The following C7orf78 variants were observed in gnomAD, a reference collection of about 807,000 sequenced individuals.
The protein encoded by C7orf78 is chromosome 7 open reading frame 78.
chr7:12,488,029 A>G, the C7orf78 span, among the ~76,000 whole-genome samples: 1 of 152,062 alleles, frequency 6.6e-6, no homozygotes, highest in Admixed American at 6.6e-5. Flanking sequence ...AAATACAAGA[A>G]ACCCTCTACT....
the C7orf78 span, among the ~76,000 whole-genome samples, chr7:12,535,267 A>C: frequency 4.6e-5 from 7 of 152,218 alleles, no homozygotes; most frequent in Non-Finnish European, 4.4e-5. Context: ...TTACAGTTCC[A>C]CATGGTTGGG....
the C7orf78 span, chr7:12,491,922 G>A: frequency 6.6e-6 from 1 of 152,108 alleles, no homozygotes; most frequent in African/African-American, 2.4e-5. Flanking sequence ...TATCCCTCTG[G>A]CCACTCGGTT....
At chr7:12,519,331 G>T in the C7orf78 span, among the ~76,000 whole-genome samples, 3 of 152,262 alleles carry the variant, frequency 2.0e-5, no homozygotes, top group African/African-American at 7.2e-5. Context: ...GCCCTCTCTT[G>T]CCCATCCAGC....
At chr7:12,526,118 AATGTCTC>A in the C7orf78 span, among the ~76,000 whole-genome samples, 4 of 152,132 alleles carry the variant, frequency 2.6e-5, no homozygotes, top group Non-Finnish European at 5.9e-5. Flanking sequence ...TTTGTAAATC[AATGTCTC>A]ATGTATAGAG....
the C7orf78 span, among the ~76,000 whole-genome samples, chr7:12,510,525 A>AT: frequency 2.6e-5 from 4 of 152,130 alleles, no homozygotes; most frequent in African/African-American, 9.7e-5. Flanking sequence ...TTACATTCTC[A>AT]CCAACAGTGT....
At chr7:12,487,332 C>T in the C7orf78 span, among the ~76,000 whole-genome samples, 1 of 151,948 alleles carries the variant, frequency 6.6e-6, no homozygotes, top group Non-Finnish European at 1.5e-5. Context: ...TCCATAGAGA[C>T]AACCTATTAG....
chr7:12,497,988 C>T, the C7orf78 span, among the ~76,000 whole-genome samples: 4 of 151,960 alleles, frequency 2.6e-5, no homozygotes, highest in African/African-American at 9.7e-5. Flanking sequence ...ACACCTCACA[C>T]TGCAGGGTAC....
the C7orf78 span, among the ~76,000 whole-genome samples, chr7:12,484,874 T>C: frequency 6.6e-6 from 1 of 152,166 alleles, no homozygotes; most frequent in Non-Finnish European, 1.5e-5. Context: ...ATTTAAATGC[T>C]CCTCCCCCAA....
At chr7:12,508,950 T>C in the C7orf78 span, among the ~76,000 whole-genome samples, 1 of 152,226 alleles carries the variant, frequency 6.6e-6, no homozygotes, top group African/African-American at 2.4e-5. Flanking sequence ...TTCTACATTA[T>C]GGTGACTTGT....
the C7orf78 span, among the ~76,000 whole-genome samples, chr7:12,505,295 C>A: frequency 2.0e-5 from 3 of 151,978 alleles, no homozygotes; most frequent in Non-Finnish European, 4.4e-5. Context: ...GGTTGAATAA[C>A]AATTTCACAC....
the C7orf78 span, among the ~76,000 whole-genome samples, chr7:12,492,384 A>C: frequency 2.0e-5 from 3 of 152,230 alleles, no homozygotes; most frequent in Non-Finnish European, 4.4e-5. Context: ...AATTGAAACA[A>C]TAAAATAATT....
the C7orf78 span, among the ~76,000 whole-genome samples, chr7:12,535,507 G>C: frequency 1.8e-4 from 28 of 152,074 alleles, no homozygotes; most frequent in Admixed American, 1.8e-3. Context: ...ATGAGATTTG[G>C]GTGGGGACAT....
the C7orf78 span, among the ~76,000 whole-genome samples, chr7:12,493,299 T>G: frequency 5.3e-5 from 8 of 152,234 alleles, no homozygotes; most frequent in African/African-American, 1.9e-4. Flanking sequence ...GATTAAAAGT[T>G]GCTGGGATGA....
chr7:12,497,249 G>C, the C7orf78 span, among the ~76,000 whole-genome samples: 143 of 152,220 alleles, frequency 9.4e-4, no homozygotes, highest in African/African-American at 3.2e-3. Flanking sequence ...GAACAGCTCC[G>C]GTCTACAGCT....
the C7orf78 span, among the ~76,000 whole-genome samples, chr7:12,497,874 C>T: frequency 2.0e-5 from 3 of 150,726 alleles, no homozygotes; most frequent in East Asian, 5.9e-4. Context: ...TCCCAGCACG[C>T]AGCTGGAGAT....
the C7orf78 span, among the ~76,000 whole-genome samples, chr7:12,511,407 G>C: frequency 6.6e-6 from 1 of 152,092 alleles, no homozygotes; most frequent in Non-Finnish European, 1.5e-5. Context: ...CTATTTCTGT[G>C]AAAAATGTCA....
the C7orf78 span, among the ~76,000 whole-genome samples, chr7:12,532,238 G>T: frequency 6.6e-6 from 1 of 152,182 alleles, no homozygotes; most frequent in East Asian, 1.9e-4. Flanking sequence ...GAAATGATTT[G>T]GGGCTGCTTT....
the C7orf78 span, among the ~76,000 whole-genome samples, chr7:12,510,548 C>T: frequency 6.6e-6 from 1 of 151,980 alleles, no homozygotes; most frequent in Non-Finnish European, 1.5e-5. Flanking sequence ...ACATAGTTTC[C>T]TTTTTTCTAT....
At chr7:12,499,764 C>A in the C7orf78 span, among the ~76,000 whole-genome samples, 2 of 151,002 alleles carry the variant, frequency 1.3e-5, no homozygotes, top group African/African-American at 4.8e-5. Context: ...CACCCCAAAT[C>A]AACAGAATAT....
Sources: allele counts gnomAD v4.1 joint callset (sites outside exome capture counted in the v4.1 genomes callset), GRCh38; gene constraint gnomAD v4.1.1; transcripts MANE v1.5; gene names NCBI Gene and HGNC (gene_info 2026-07-23, HGNC 2026-07-21).